Variants in FRAS1 observed in about 807,000 individuals in gnomAD.
The protein encoded by FRAS1 is Fraser extracellular matrix complex subunit 1.
A neutral mutation model predicts 435.2 loss-of-function variants in FRAS1; 290 were observed. The ratio of observed to expected loss-of-function variants is 0.67; its 90% CI spans 0.61 to 0.73. The LOEUF (loss-of-function observed/expected upper bound fraction) is 0.73. FRAS1 is among the 30% of genes least tolerant of loss of function. The pLI is 0.00. For missense variants in FRAS1, 4,860 were observed against 5,001.5 expected (o/e 0.97, Z 0.85); for synonymous variants, 1,800 against 1,851.0 (o/e 0.97, Z 0.71).
intron 9 of FRAS1, 55 bp from the exon 10 acceptor site, chr4:78,278,600 C>G (rs778658539): frequency 5.0e-6 from 5 of 1,004,994 alleles, no homozygotes; most frequent in Non-Finnish European, 6.3e-6. Context: ...CAATTTAGCC[C>G]TGCTACCTGG....
intron 54 of FRAS1, 105 bp downstream of exon 54, chr4:78,475,711 T>A (rs1183637154): frequency 1.9e-6 from 2 of 1,078,560 alleles, no homozygotes; most frequent in Non-Finnish European, 2.6e-6. Context: ...TTTTCACTGG[T>A]GTCCTTCTTC....
At chr4:78,184,884 AACTG>A (rs1163013891) in intron 2 of FRAS1, among the ~76,000 whole-genome samples, 1 of 152,244 alleles carries the variant, frequency 6.6e-6, no homozygotes, top group Non-Finnish European at 1.5e-5. Context: ...TTGACTAAAT[AACTG>A]GGAAAAAGTT....
intron 46 of FRAS1, 105 bp from the exon 47 acceptor site, chr4:78,452,070 C>G: frequency 7.6e-7 from 1 of 1,319,090 alleles, no homozygotes; most frequent in Non-Finnish European, 1.1e-6. Flanking sequence ...CTCTAACACA[C>G]AGGCCTAGAG....
At chr4:78,254,210 C>A (rs1725684307) in intron 5 of FRAS1, among the ~76,000 whole-genome samples, 2 of 152,082 alleles carry the variant, frequency 1.3e-5, no homozygotes, top group African/African-American at 4.8e-5. Flanking sequence ...GTAGTGTATA[C>A]CGTATAATAA....
At chr4:78,225,032 G>T (rs1046707778) in intron 2 of FRAS1, among the ~76,000 whole-genome samples, 1 of 152,158 alleles carries the variant, frequency 6.6e-6, no homozygotes, top group Non-Finnish European at 1.5e-5. Context: ...CAAATTCCAT[G>T]CAGGGGTGTA....
chr4:78,442,099 A>C (rs1734682577), intron 41 of FRAS1, among the ~76,000 whole-genome samples: 1 of 152,278 alleles, frequency 6.6e-6, no homozygotes, highest in South Asian at 2.1e-4. Context: ...GTCTGGGGCC[A>C]GCATGGGGCC....
In FRAS1 at chr4:78,372,840, G is replaced by T. The variant is rs779188397; in HGVS notation, c.2992G>T (p.Asp998Tyr). 8.1e-6 allele frequency: 13 copies of T among 1,612,592 alleles called. No homozygotes were observed. Among genetic ancestry groups the T allele is most frequent in the Non-Finnish European group, 1.1e-5 (13 of 1,179,674 alleles). ...GCAGTGCTTGTCATCATTTTACCAG[G>T]ACTCGGGCCTCTGCAAGAGTAAGTG... ...VEQCLSSFYQ[D>Y]SGLCKNCDSY... The change falls in exon 24 of 74, where the codon GAC becomes TAC. Residue 998 changes from aspartate (D) to tyrosine (Y), a missense_variant. Asp to Tyr is a radical substitution (Grantham distance 160). Transcript: ENST00000512123.
At chr4:78,435,442 T>C (rs1451853330) in intron 38 of FRAS1, among the ~76,000 whole-genome samples, 3 of 151,958 alleles carry the variant, frequency 2.0e-5, no homozygotes, top group Non-Finnish European at 2.9e-5. Flanking sequence ...AACTGTAATA[T>C]AAAACAGAGA....
intron 60 of FRAS1, among the ~76,000 whole-genome samples, chr4:78,497,371 A>C (rs1720536532): frequency 6.6e-6 from 1 of 151,098 alleles, no homozygotes; most frequent in Admixed American, 6.6e-5. Context: ...CTTCTCTCTA[A>C]TTGATTTGGC....
chr4:78,464,131 G>C lies in FRAS1; in HGVS notation c.6874G>C (p.Asp2292His), dbSNP rs756394277. 6.2e-7 allele frequency: 1 copy of C among 1,610,866 alleles called. No homozygotes were observed. Among genetic ancestry groups the C allele is most frequent in the South Asian group, 1.1e-5 (1 of 90,300 alleles). ...AGATGCCTTCAGCTTTACACTGTCTGATGGAGTCAGTGAGGTAGGTGAGGC... is the reference window on the plus strand; with the variant it reads ...AGATGCCTTCAGCTTTACACTGTCTCATGGAGTCAGTGAGGTAGGTGAGGC... Reference protein sequence around the residue: ...HSDAFSFTLSDGVSEVTQTFH... With the variant: ...HSDAFSFTLSHGVSEVTQTFH... Residue 2292 changes from aspartate to histidine, a missense_variant, in exon 48 of 74, where the codon GAT becomes CAT. By Grantham distance (81) the Asp-to-His change is moderately conservative. Coordinates refer to ENST00000512123, the MANE Select transcript of FRAS1 (RefSeq NM_025074.7).
At chr4:78,339,546 C>G (rs1332515464) in intron 20 of FRAS1, among the ~76,000 whole-genome samples, 1 of 152,142 alleles carries the variant, frequency 6.6e-6, no homozygotes, top group Admixed American at 6.5e-5. Context: ...CAAAATATTT[C>G]CAGAAGAATA....
Position 78,433,482 on chromosome 4 carries a change from AC to A in FRAS1, c.5217+881del, listed in dbSNP as rs1156241661. On this transcript the variant is annotated intron_variant, in intron 38 of 73. Transcript: ENST00000512123. ...TTTTAATGCCGTATACTTTTAAGTA[AC>A]CCTTTTCTGGGCTGAAGAATCTCAC... is the stretch of plus-strand genomic sequence containing the variant. 2.0e-5 allele frequency among the ~76,000 whole-genome samples: 3 copies of A among 152,170 alleles called. No homozygotes were observed. In the South Asian group the frequency reaches 6.2e-4, roughly 32 times the overall value.
At chr4:78,162,642 G>A (rs536668183) in intron 2 of FRAS1, among the ~76,000 whole-genome samples, 1 of 152,274 alleles carries the variant, frequency 6.6e-6, no homozygotes, top group East Asian at 1.9e-4. Flanking sequence ...GGCTGCCATT[G>A]TCATTGTTGC....
chr4:78,429,351 C>T (rs1469442403), intron 36 of FRAS1, 125 bp downstream of exon 36: 1 of 1,209,334 alleles, frequency 8.3e-7, no homozygotes, highest in Admixed American at 2.7e-5. Context: ...TGCATTCTCA[C>T]CTGTATCCTT....
rs547345996 is a variant in FRAS1 at position 78,383,342 on chromosome 4, T to C, written c.3564-717T>C. On this transcript the variant is annotated intron_variant, in intron 27 of 73. Transcript: ENST00000512123. ...AAGGACTGGGAAGGGGAAGCAGGAA[T>C]CAATTCTTCTCTCATCCCTGTGTCT... Among the ~76,000 whole-genome samples, 28 of 152,280 alleles carry C rather than the reference T, an allele frequency of 1.8e-4. No individual in the cohort carries two copies. In the East Asian group the frequency reaches 5.0e-3, roughly 27 times the overall value.
chr4:78,276,570 T>C (rs1051002516), intron 9 of FRAS1, among the ~76,000 whole-genome samples: 1 of 152,246 alleles, frequency 6.6e-6, no homozygotes, highest in African/African-American at 2.4e-5. Flanking sequence ...TGGAGTTTGC[T>C]GGACATCCAC....
At chr4:78,120,934 T>G (rs1310595200) in intron 2 of FRAS1, among the ~76,000 whole-genome samples, 1 of 152,214 alleles carries the variant, frequency 6.6e-6, no homozygotes, top group Non-Finnish European at 1.5e-5. Flanking sequence ...GCTTTGCTAC[T>G]TCGTGGGAAA....
At chr4:78,522,538 G>A (rs1560425226) in intron 68 of FRAS1, 111 bp from the exon 69 acceptor site, 1 of 950,462 alleles carries the variant, frequency 1.1e-6, no homozygotes, top group Non-Finnish European at 1.6e-6. Flanking sequence ...TTAGTTGTTT[G>A]AGAGAAGAAC....
chr4:78,466,517 T>C (rs1035179822), intron 50 of FRAS1, 82 bp downstream of exon 50: 76 of 1,012,444 alleles, frequency 7.5e-5, no homozygotes, highest in Non-Finnish European at 1.0e-4. Context: ...AAGCATACCA[T>C]TGTTTGAGTT....
Sources: allele counts gnomAD v4.1 joint callset (sites outside exome capture counted in the v4.1 genomes callset), GRCh38; gene constraint gnomAD v4.1.1; transcripts MANE v1.5; gene names NCBI Gene and HGNC (gene_info 2026-07-23, HGNC 2026-07-21).